The following RBFOX1 variants were observed in gnomAD, a reference collection of about 807,000 sequenced individuals.
RBFOX1 encodes RNA binding fox-1 homolog 1, also known as RNA binding protein fox-1 homolog 1.
RBFOX1 carries 8 observed loss-of-function variants against 57.7 expected under a neutral mutation model. The observed-to-expected ratio is 0.14, with a 90% CI of 0.08 to 0.25. The LOEUF is 0.25. Among genes scored for constraint, RBFOX1 ranks in the 10% least tolerant of loss-of-function variants. The pLI, the probability that RBFOX1 is intolerant of heterozygous loss-of-function variation, is 1.00. For missense variants in RBFOX1, 611 were observed against 548.5 expected, an observed-to-expected ratio of 1.11 and a Z score of -1.14; for synonymous variants, 326 against 222.4, an observed-to-expected ratio of 1.47 and a Z score of -4.15.
At chr16:5,251,720 G>A (rs1285631807) in intron 1 of RBFOX1, among the ~76,000 whole-genome samples, 3 of 151,672 alleles carry the variant, frequency 2.0e-5, no homozygotes, top group Non-Finnish European at 4.4e-5. Context: ...GAAATTTTCT[G>A]GGGTGATTGA....
chr16:6,950,748 G>T (rs2080553973), intron 3 of RBFOX1, among the ~76,000 whole-genome samples: 1 of 152,148 alleles, frequency 6.6e-6, no homozygotes, highest in African/African-American at 2.4e-5. Context: ...TTGCGGCCAT[G>T]TAATATGGGT....
intron 1 of RBFOX1, among the ~76,000 whole-genome samples, chr16:5,297,631 T>C (rs2151189860): frequency 1.3e-5 from 2 of 152,298 alleles, no homozygotes; most frequent in Middle Eastern, 3.4e-3. Context: ...TGGAGTTCCT[T>C]ATATATATTC....
At chr16:5,746,096 A>G (rs1301914659) in intron 3 of RBFOX1, among the ~76,000 whole-genome samples, 2 of 152,214 alleles carry the variant, frequency 1.3e-5, no homozygotes, top group African/African-American at 4.8e-5. Flanking sequence ...TCTTGAATCC[A>G]TCTTGAATTA....
intron 4 of RBFOX1, among the ~76,000 whole-genome samples, chr16:7,093,518 C>A (rs535481599): frequency 6.6e-6 from 1 of 152,242 alleles, no homozygotes; most frequent in East Asian, 1.9e-4. Context: ...GTCAGAGGTA[C>A]CCACTTATCC....
At chr16:7,090,078 G>A (rs890018976) in intron 4 of RBFOX1, among the ~76,000 whole-genome samples, 1 of 152,044 alleles carries the variant, frequency 6.6e-6, no homozygotes. Flanking sequence ...CTTCTAGTCT[G>A]TAAATAAAGA....
In RBFOX1 at chr16:7,334,931, G is replaced by C. The variant is rs149535495; in HGVS notation, c.28-183216G>C. Among the ~76,000 whole-genome samples the C allele has an allele frequency of 4.7e-4, 71 of 152,324 alleles. 1 individual carries two copies. In the East Asian group the frequency reaches 0.013, roughly 27 times the overall value. On this transcript the variant is annotated intron_variant, in intron 4 of 15. Transcript: ENST00000550418. ...TAGTTACCCATAAGTTAGGAGAGCA[G>C]TTTAGTGAGGAGCCTCTAGACCAGC...
chr16:5,751,568 A>C lies in RBFOX1; in HGVS notation c.319-115735A>C, dbSNP rs149360885. Among the ~76,000 whole-genome samples the C allele has an allele frequency of 6.6e-3, 1,006 of 152,286 alleles. 8 individuals carry two copies. The highest frequency in any genetic ancestry group is 0.022 in the African/African-American group (931 of 41,566). ...TGAATCTGGAGGATGAACTCTAGGA[A>C]TCAGAGAGGGCAAGGAAGCCACCTA... On this transcript the variant is annotated intron_variant, in intron 3 of 19. Coordinates refer to the RBFOX1 transcript ENST00000641259.
At chr16:6,539,889 A>C (rs779993675) in intron 2 of RBFOX1, among the ~76,000 whole-genome samples, 108 of 149,782 alleles carry the variant, frequency 7.2e-4, no homozygotes, top group Admixed American at 1.0e-3. Flanking sequence ...TTGCTTCTGC[A>C]TGAACTTTTA....
At chr16:7,705,327 A>T (rs914887797) in intron 14 of RBFOX1, among the ~76,000 whole-genome samples, 1 of 152,046 alleles carries the variant, frequency 6.6e-6, no homozygotes, top group African/African-American at 2.4e-5. Flanking sequence ...TAACACAGTG[A>T]AGCCCCATAT....
intron 2 of RBFOX1, among the ~76,000 whole-genome samples, chr16:6,411,365 A>C (rs1042320849): frequency 6.6e-6 from 1 of 152,190 alleles, no homozygotes. Context: ...AAAATGGCAA[A>C]AATGTATATG....
chr16:6,633,403 A>C (rs1018807157), intron 2 of RBFOX1, among the ~76,000 whole-genome samples: 1 of 152,084 alleles, frequency 6.6e-6, no homozygotes, highest in Admixed American at 6.5e-5. Context: ...TCAGCCTCCC[A>C]AGTAGCTGGG....
At chr16:6,783,250 G>C (rs897969079) in intron 3 of RBFOX1, among the ~76,000 whole-genome samples, 3 of 151,068 alleles carry the variant, frequency 2.0e-5, no homozygotes, top group Admixed American at 2.0e-4. Flanking sequence ...TTATTGATAG[G>C]TGAGGACTTA....
rs80119716 is a variant in RBFOX1 at position 6,006,875 on chromosome 16, C to G, written c.351+139540C>G. ...TTGGGCATATGTTGAATTGCATGCT[C>G]AGCACACAAGCTCTTTTGTCACATG... On this transcript the variant is annotated intron_variant, in intron 4 of 19. Coordinates refer to the RBFOX1 transcript ENST00000641259. Among the ~76,000 whole-genome samples, 946 of 152,296 alleles carry G rather than the reference C, an allele frequency of 6.2e-3. 16 individuals carry two copies. The highest frequency in any genetic ancestry group is 0.022 in the African/African-American group (915 of 41,568).
chr16:6,771,286 C>T (rs555061716), intron 3 of RBFOX1, among the ~76,000 whole-genome samples: 193 of 152,270 alleles, frequency 1.3e-3, no homozygotes, highest in South Asian at 1.9e-3. Context: ...ACACAGTCTA[C>T]GGTGCTTTGT....
intron 1 of RBFOX1, among the ~76,000 whole-genome samples, chr16:5,339,953 T>G (rs2064998587): frequency 6.6e-6 from 1 of 152,108 alleles, no homozygotes; most frequent in Non-Finnish European, 1.5e-5. Flanking sequence ...GTCTGAGGCA[T>G]GATGCCACCT....
chr16:6,794,697 A>C (rs569555705), intron 3 of RBFOX1, among the ~76,000 whole-genome samples: 2 of 152,170 alleles, frequency 1.3e-5, no homozygotes, highest in African/African-American at 2.4e-5. Flanking sequence ...TGCATCCCAG[A>C]ATGTTTAATG....
At chr16:6,477,952 C>CT (rs549682431) in intron 2 of RBFOX1, among the ~76,000 whole-genome samples, 62 of 151,660 alleles carry the variant, frequency 4.1e-4, no homozygotes, top group South Asian at 2.1e-3. Flanking sequence ...TAGCTTCACA[C>CT]TTTTTTTTTG....
chr16:7,065,061 T>C (rs1243709222), intron 4 of RBFOX1, among the ~76,000 whole-genome samples: 1 of 152,204 alleles, frequency 6.6e-6, no homozygotes, highest in Non-Finnish European at 1.5e-5. Context: ...CAGATGAGTA[T>C]GTGAGTCACA....
chr16:6,624,560 G>T (rs1051340626), intron 2 of RBFOX1, among the ~76,000 whole-genome samples: 1 of 152,090 alleles, frequency 6.6e-6, no homozygotes, highest in Non-Finnish European at 1.5e-5. Context: ...TGGCAGTGAG[G>T]ACGTCTTTCC....
Sources: allele counts gnomAD v4.1 joint callset (sites outside exome capture counted in the v4.1 genomes callset), GRCh38; gene constraint gnomAD v4.1.1; transcripts MANE v1.5; gene names NCBI Gene and HGNC (gene_info 2026-07-23, HGNC 2026-07-21).